Variants in TRIM37 observed in about 807,000 individuals in gnomAD.
The protein encoded by TRIM37 is E3 ubiquitin-protein ligase TRIM37.
Under a neutral mutation model 129.8 loss-of-function variants are expected in TRIM37, and 80 were observed. The ratio of observed to expected loss-of-function variants is 0.62; its 90% CI spans 0.51 to 0.74. The LOEUF (loss-of-function observed/expected upper bound fraction) is 0.74. Among genes scored for constraint, TRIM37 ranks in the 30% least tolerant of loss-of-function variants. The probability of loss-of-function intolerance (pLI) is 0.00; values close to 1 mark genes in which losing one functional copy is unlikely to be tolerated. For synonymous variants in TRIM37, 389 were observed against 387.1 expected (o/e 1.00, Z -0.06); for missense variants, 1,054 against 1,176.5 (o/e 0.90, Z 1.52).
intron 17 of TRIM37, among the ~76,000 whole-genome samples, chr17:59,036,568 G>T (rs373460033): frequency 2.6e-5 from 4 of 151,278 alleles, no homozygotes; most frequent in African/African-American, 7.3e-5. Context: ...CTGTACCCTC[G>T]AACTCCTAGG....
rs1264484088 is a variant in TRIM37 at position 59,070,945 on chromosome 17, C to T, written c.687G>A (p.Leu229=). 2 of 1,613,328 alleles carry T rather than the reference C, an allele frequency of 1.2e-6. No individual in the cohort carries two copies. The highest frequency in any genetic ancestry group is 4.5e-5 in the East Asian group (2 of 44,840). The change falls in exon 9 of 24, where the codon TTG becomes TTA. Residue 229 remains leucine (L), a splice_region_variant and synonymous_variant. Coordinates refer to ENST00000262294, the MANE Select transcript of TRIM37 (RefSeq NM_015294.6). ...TCAACTCACTCTTACTACAAGACCG[C>T]AACTGTGTGAGGAAAAAAATTATCT... is the stretch of plus-strand genomic sequence containing the variant. ...ESLLQEVEHQ[L]RSCSKSELIS...
chr17:59,016,599 CAAAAAAAAAAAA>C (rs57582105), intron 20 of TRIM37, among the ~76,000 whole-genome samples: 3 of 20,748 alleles, frequency 1.4e-4, no homozygotes, highest in African/African-American at 4.3e-4. Flanking sequence ...CCTGTCTCGG[CAAAAAAAAAAAA>C]AAAAAAAAAA....
chr17:59,006,737 A>G (rs1433811288), intron 22 of TRIM37, among the ~76,000 whole-genome samples: 1 of 152,050 alleles, frequency 6.6e-6, no homozygotes, highest in Non-Finnish European at 1.5e-5. Context: ...AAAAATACAA[A>G]AATTAGCCGG....
intron 19 of TRIM37, among the ~76,000 whole-genome samples, chr17:59,018,722 GT>G (rs202036450): frequency 2.8e-3 from 391 of 140,154 alleles, no homozygotes; most frequent in Middle Eastern, 0.014. Context: ...TAGTAGCTGT[GT>G]TTTTTTTTTT....
chr17:59,064,894 C>G (rs140380267), intron 9 of TRIM37, among the ~76,000 whole-genome samples: 1 of 151,256 alleles, frequency 6.6e-6, no homozygotes, highest in Non-Finnish European at 1.5e-5. Context: ...ATTAAAAATA[C>G]GCAAAAATTA....
chr17:58,992,287 T>TTATATA (rs1400693751), intron 24 of TRIM37, among the ~76,000 whole-genome samples: 1 of 135,210 alleles, frequency 7.4e-6, no homozygotes, highest in Non-Finnish European at 1.6e-5. Flanking sequence ...ATATTTATAT[T>TTATATA]TATATATATT....
At chr17:59,005,798 CCAAT>C (rs941193267) in intron 22 of TRIM37, among the ~76,000 whole-genome samples, 4 of 152,100 alleles carry the variant, frequency 2.6e-5, no homozygotes, top group Non-Finnish European at 5.9e-5. Context: ...TCTTGGAACA[CCAAT>C]CAATTTTTAT....
intron 19 of TRIM37, among the ~76,000 whole-genome samples, chr17:59,024,421 G>A (rs2036998585): frequency 6.6e-6 from 1 of 152,064 alleles, no homozygotes; most frequent in Admixed American, 6.6e-5. Context: ...AAAAAACTGA[G>A]AGTTCTAAAA....
intron 3 of TRIM37, among the ~76,000 whole-genome samples, chr17:59,091,013 T>C (rs2044254388): frequency 6.6e-6 from 1 of 152,142 alleles, no homozygotes; most frequent in Non-Finnish European, 1.5e-5. Flanking sequence ...ACTATCTGGA[T>C]TTTTTAACCA....
chr17:58,998,250 A>G lies in TRIM37; in HGVS notation c.*1127T>C. The G allele has an allele frequency of 2.0e-6, 2 of 985,494 alleles. No homozygotes were observed. The highest frequency in any genetic ancestry group is 1.7e-5 in the African/African-American group (1 of 57,380). 61.0% of individuals were successfully genotyped at this position (985,494 alleles called of 1,614,324 possible). A position where few individuals can be genotyped will look rare whatever the true frequency, so the allele number is the denominator to read the frequency against. On this transcript the variant is annotated 3_prime_UTR_variant, in exon 24 of 24. Transcript: ENST00000262294. ...CAAAAAGTGCAAACTATTTTGAACAAAAGTAAACTATGAGTCACAGCATTC... is the reference window on the plus strand; with the variant it reads ...CAAAAAGTGCAAACTATTTTGAACAGAAGTAAACTATGAGTCACAGCATTC...
intron 13 of TRIM37, 93 bp from the exon 14 acceptor site, chr17:59,051,421 A>T (rs868707911): frequency 3.6e-6 from 3 of 835,346 alleles, no homozygotes; most frequent in Non-Finnish European, 6.1e-6. Flanking sequence ...TAACTTGATT[A>T]TAAGGCCAAA....
At chr17:59,088,712 C>T (rs2044001537) in intron 3 of TRIM37, among the ~76,000 whole-genome samples, 1 of 151,816 alleles carries the variant, frequency 6.6e-6, no homozygotes, top group African/African-American at 2.4e-5. Context: ...AGACGGGAAT[C>T]TTGCTATATT....
intron 7 of TRIM37, among the ~76,000 whole-genome samples, chr17:59,079,324 G>A (rs1191456155): frequency 1.3e-5 from 2 of 152,152 alleles, no homozygotes; most frequent in Non-Finnish European, 2.9e-5. Context: ...TATGTAAAAT[G>A]AACCCTACTA....
At chr17:58,987,159 A>T (rs943638438) in intron 24 of TRIM37, among the ~76,000 whole-genome samples, 1 of 152,210 alleles carries the variant, frequency 6.6e-6, no homozygotes, top group Non-Finnish European at 1.5e-5. Context: ...CAAATGTGAA[A>T]AACTGTCAAG....
At chr17:59,000,274 G>A (rs1371597136) in intron 23 of TRIM37, among the ~76,000 whole-genome samples, 1 of 152,158 alleles carries the variant, frequency 6.6e-6, no homozygotes, top group Non-Finnish European at 1.5e-5. Flanking sequence ...ATATATTTAA[G>A]TGAAAAAAGC....
intron 2 of TRIM37, among the ~76,000 whole-genome samples, chr17:59,101,445 A>G (rs1363581951): frequency 6.6e-6 from 1 of 152,052 alleles, no homozygotes. Context: ...ATACTTCTCT[A>G]TTAGCATGGT....
chr17:59,099,063 G>A (rs2045201731), intron 2 of TRIM37, among the ~76,000 whole-genome samples: 1 of 151,992 alleles, frequency 6.6e-6, no homozygotes, highest in African/African-American at 2.4e-5. Context: ...CACACCTGTA[G>A]TCCCAGCTAC....
At chr17:59,085,827 G>A (rs1479424400) in intron 4 of TRIM37, among the ~76,000 whole-genome samples, 1 of 152,138 alleles carries the variant, frequency 6.6e-6, no homozygotes, top group African/African-American at 2.4e-5. Flanking sequence ...CAAAAAAAAT[G>A]TGACATATAC....
chr17:59,014,949 G>A (rs1490466375), intron 21 of TRIM37, among the ~76,000 whole-genome samples: 1 of 150,548 alleles, frequency 6.6e-6, no homozygotes, highest in African/African-American at 2.4e-5. Flanking sequence ...GGTGGTGGGC[G>A]CCTGTAGTCC....
Sources: gnomAD v4.1 joint callset for allele counts (sites outside exome capture counted in the v4.1 genomes callset) on GRCh38, gnomAD v4.1.1 for gene constraint, MANE v1.5 for transcripts, NCBI Gene and HGNC (gene_info 2026-07-23, HGNC 2026-07-21) for gene names.